ATP10A: variants seen among roughly 807,000 people sequenced by gnomAD.
ATP10A encodes ATPase phospholipid transporting 10A (putative), also known as phospholipid-transporting ATPase VA.
ATP10A carries 111 observed loss-of-function variants against 147.8 expected under a neutral mutation model. That is an observed-to-expected ratio of 0.75 (90% CI 0.64 to 0.88). ATP10A has a LOEUF of 0.88. Ranked by LOEUF, ATP10A falls within the 40% of genes least tolerant of loss-of-function variation. ATP10A has a pLI of 0.00. For synonymous variants in ATP10A, 875 were observed against 841.6 expected (o/e 1.04, Z -0.69); for missense variants, 1,927 against 1,959.0 (o/e 0.98, Z 0.31).
At chr15:25,681,160 T>C in intron 17 of ATP10A, 86 bp from the exon 18 acceptor site, 1 of 1,365,636 alleles carries the variant, frequency 7.3e-7, no homozygotes, top group Non-Finnish European at 9.9e-7. Flanking sequence ...GAGTCACTTG[T>C]GTTAAAAACA....
rs563185565 is a variant in ATP10A, at chr15:25,821,486, T to C, written c.450-40263A>G. Among the ~76,000 whole-genome samples the C allele has an allele frequency of 2.0e-5, 3 of 152,098 alleles. No individual in the cohort carries two copies. The South Asian group carries it at 6.2e-4, about 32-fold the overall frequency. On this transcript the variant is annotated intron_variant, in intron 1 of 20. Transcript: ENST00000555815. ...GATAAAAACTGGAAACAAAAAGATG[T>C]CATTTTTGCCTGCCTTAAAGGAAAG...
At chr15:25,816,383 T>C (rs912922577) in intron 1 of ATP10A, among the ~76,000 whole-genome samples, 2 of 152,122 alleles carry the variant, frequency 1.3e-5, no homozygotes, top group African/African-American at 4.8e-5. Context: ...GTTCAGTTTT[T>C]AAAATTAAAA....
At chr15:25,753,300 T>G (rs1465663077) in intron 2 of ATP10A, among the ~76,000 whole-genome samples, 1 of 152,216 alleles carries the variant, frequency 6.6e-6, no homozygotes, top group Non-Finnish European at 1.5e-5. Context: ...CTTCTGAGTA[T>G]GATTGCTTTG....
intron 2 of ATP10A, among the ~76,000 whole-genome samples, chr15:25,773,151 A>G (rs571373054): frequency 1.3e-5 from 2 of 152,246 alleles, no homozygotes; most frequent in South Asian, 2.1e-4. Context: ...ATGTGACTAT[A>G]TGAAACTGCA....
At chr15:25,718,876 CA>C (rs951089656) in intron 7 of ATP10A, among the ~76,000 whole-genome samples, 2 of 152,120 alleles carry the variant, frequency 1.3e-5, no homozygotes, top group African/African-American at 4.8e-5. Context: ...TGCTATGGCA[CA>C]GGGGGGCTCA....
At chr15:25,762,276 C>G (rs1705412086) in intron 2 of ATP10A, among the ~76,000 whole-genome samples, 1 of 152,156 alleles carries the variant, frequency 6.6e-6, no homozygotes, top group Non-Finnish European at 1.5e-5. Context: ...TTATAAATTA[C>G]CCAGTCTTGG....
At chr15:25,813,348 A>T (rs1040719434) in intron 1 of ATP10A, among the ~76,000 whole-genome samples, 1 of 152,216 alleles carries the variant, frequency 6.6e-6, no homozygotes, top group Non-Finnish European at 1.5e-5. Context: ...TTTGATCCCA[A>T]CTAAGAAAGG....
In ATP10A at chr15:25,808,647, G is replaced by A. The variant is rs1253438238; in HGVS notation, c.450-27424C>T. ...GATCCACCCGCCTCGGACTCCCCAA[G>A]TTCTGGGATTACAAGCGTGAGCCAC... On this transcript the variant is annotated intron_variant, in intron 1 of 20. Transcript: ENST00000555815. 2.0e-5 allele frequency among the ~76,000 whole-genome samples: 3 copies of A among 152,224 alleles called. No homozygotes were observed. The East Asian group carries it at 5.8e-4, about 29-fold the overall frequency.
chr15:25,673,603 C>T (rs12441394), downstream of ATP10A, among the ~76,000 whole-genome samples: 2,335 of 152,272 alleles, frequency 0.015, 40 homozygotes, highest in East Asian at 0.065. Context: ...TGCAGTGGGC[C>T]GGGCTTCCAG....
At chr15:25,726,599 G>A (rs1596766888) in intron 4 of ATP10A, among the ~76,000 whole-genome samples, 1 of 151,792 alleles carries the variant, frequency 6.6e-6, no homozygotes, top group African/African-American at 2.4e-5. Flanking sequence ...GCACCACCAC[G>A]CCCAGCTAAT....
At chr15:25,802,278 C>G (rs963684454) in intron 1 of ATP10A, among the ~76,000 whole-genome samples, 1 of 152,232 alleles carries the variant, frequency 6.6e-6, no homozygotes, top group Non-Finnish European at 1.5e-5. Flanking sequence ...GGCTGTGGCA[C>G]CCAGCTTCAG....
intron 1 of ATP10A, among the ~76,000 whole-genome samples, chr15:25,809,531 A>T (rs1457700048): frequency 1.3e-5 from 2 of 152,206 alleles, no homozygotes; most frequent in South Asian, 4.1e-4. Context: ...TACTTTATTC[A>T]AGAATGATAT....
At chr15:25,862,405 G>C (rs958272075) in intron 1 of ATP10A, 62 of 656,504 alleles carry the variant, frequency 9.4e-5, no homozygotes, top group Non-Finnish European at 1.6e-4. Flanking sequence ...GACACGGAGT[G>C]ACAGGGGATC....
intron 1 of ATP10A, among the ~76,000 whole-genome samples, chr15:25,816,574 T>C (rs1215882827): frequency 6.6e-6 from 1 of 152,222 alleles, no homozygotes; most frequent in African/African-American, 2.4e-5. Context: ...TTTTCACAAG[T>C]ACTGCCATTC....
Position 25,786,702 on chromosome 15 carries a change from T to G in ATP10A, c.450-5479A>C, listed in dbSNP as rs1000193175. The stretch of plus-strand genomic sequence containing the variant: ...GTGCAGTGGCGTGATCTCGGCTCAC[T>G]GCAAGCTCCGCCTCCTGGGTTCACT... On this transcript the variant is annotated intron_variant, in intron 1 of 20. Transcript: ENST00000555815. 1.0e-4 allele frequency among the ~76,000 whole-genome samples: 13 copies of G among 129,404 alleles called. No individual in the cohort carries two copies. The East Asian group carries it at 2.9e-3, about 29-fold the overall frequency. 84.9% of individuals were successfully genotyped at this position (129,404 alleles called of 152,430 possible).
intron 1 of ATP10A, among the ~76,000 whole-genome samples, chr15:25,807,811 A>G (rs1423154068): frequency 1.7e-5 from 2 of 114,582 alleles, no homozygotes; most frequent in Non-Finnish European, 3.9e-5. Flanking sequence ...CCCCCGGCCA[A>G]AAAAAAGAAA....
chr15:25,800,745 C>T (rs1596913212), intron 1 of ATP10A, among the ~76,000 whole-genome samples: 2 of 152,196 alleles, frequency 1.3e-5, no homozygotes, highest in African/African-American at 2.4e-5. Flanking sequence ...TCTGGGGGCC[C>T]CTGAGGCTTC....
chr15:25,823,818 C>G (rs749566325), intron 1 of ATP10A, among the ~76,000 whole-genome samples: 20 of 152,180 alleles, frequency 1.3e-4, no homozygotes, highest in Non-Finnish European at 2.4e-4. Flanking sequence ...TTTCCCAATT[C>G]ATTACTATAT....
At chr15:25,842,525 C>G (rs753661802) in intron 1 of ATP10A, among the ~76,000 whole-genome samples, 51 of 152,092 alleles carry the variant, frequency 3.4e-4, no homozygotes, top group African/African-American at 1.2e-3. Context: ...AGTTTTCTAC[C>G]GTGTTTCAGT....
Sources: allele counts gnomAD v4.1 joint callset (sites outside exome capture counted in the v4.1 genomes callset), GRCh38; gene constraint gnomAD v4.1.1; transcripts MANE v1.5; gene names NCBI Gene and HGNC (gene_info 2026-07-23, HGNC 2026-07-21).